Variants in PWWP2A observed in about 807,000 individuals in gnomAD.
PWWP2A encodes PWWP domain-containing protein 2A.
In PWWP2A, 18 loss-of-function variants were observed where a neutral mutation model predicts 48.5. The observed-to-expected ratio is 0.37, with a 90% CI of 0.26 to 0.55. The LOEUF is 0.55. PWWP2A is among the 20% of genes least tolerant of loss of function. The probability of loss-of-function intolerance (pLI) is 0.81; values close to 1 mark genes in which losing one functional copy is unlikely to be tolerated. For synonymous variants in PWWP2A, 396 were observed against 387.7 expected (o/e 1.02, Z -0.25); for missense variants, 867 against 976.4 (o/e 0.89, Z 1.49).
chr5:160,060,451 G>A (rs941396981), downstream of PWWP2A, among the ~76,000 whole-genome samples: 1 of 152,122 alleles, frequency 6.6e-6, no homozygotes, highest in Non-Finnish European at 1.5e-5. Context: ...CTTTGCCATG[G>A]GATCTAGTCT....
At chr5:160,045,499 CACACACACACACACATACACA>C in the PWWP2A span, among the ~76,000 whole-genome samples, 3 of 114,632 alleles carry the variant, frequency 2.6e-5, no homozygotes, top group Non-Finnish European at 3.6e-5. Context: ...CACACACACA[CACACACACACACACATACACA>C]CTCTCTCTCT....
intron 1 of PWWP2A, among the ~76,000 whole-genome samples, chr5:160,111,553 G>A (rs1757576009): frequency 6.6e-6 from 1 of 151,922 alleles, no homozygotes; most frequent in African/African-American, 2.4e-5. Context: ...AGGATCACTT[G>A]GACCCAGGAG....
chr5:160,107,052 C>T (rs1756976221), intron 1 of PWWP2A, among the ~76,000 whole-genome samples: 1 of 152,070 alleles, frequency 6.6e-6, no homozygotes, highest in Non-Finnish European at 1.5e-5. Flanking sequence ...TCTCAAACTC[C>T]TGGCCTCAAA....
chr5:160,092,386 G>A lies in PWWP2A; in HGVS notation c.2264C>T (p.Thr755Met), dbSNP rs778964824. Residue 755 changes from threonine (T) to methionine (M), a missense_variant, in exon 2 of 2, where the codon ACG (threonine) becomes ATG (methionine). This residue lies in a region of PWWP2A where 97 missense variants were observed against 151.7 expected (regional missense o/e 0.64). Coordinates refer to ENST00000307063, the MANE Select transcript of PWWP2A (RefSeq NM_001130864.2). ...TGCCTACCTTACTGCCCATGTTCAC[G>A]TTTCAAACTGTGTCAACAAAGCCCG... is the stretch of plus-strand genomic sequence containing the variant. ...EVRALLTQFET is the reference protein window; with the variant it reads ...EVRALLTQFEM 46 of 1,540,526 alleles carry A rather than the reference G, an allele frequency of 3.0e-5. No homozygotes were observed. Among genetic ancestry groups the A allele is most frequent in the Non-Finnish European group, 3.7e-5 (42 of 1,142,976 alleles).
At chr5:160,090,001 TAG>T (rs1209407089), downstream of PWWP2A, 3 of 985,234 alleles carry the variant, frequency 3.0e-6, no homozygotes, top group Non-Finnish European at 3.6e-6. Flanking sequence ...CATTTAAGAT[TAG>T]AGAGATTCTT....
At chr5:160,045,965 ACTC>A in the PWWP2A span, among the ~76,000 whole-genome samples, 1 of 151,226 alleles carries the variant, frequency 6.6e-6, no homozygotes, top group African/African-American at 2.4e-5. Flanking sequence ...CTGCTCTCGA[ACTC>A]CTGACCTCGT....
rs528239805 is a variant in PWWP2A, at chr5:160,066,358, G to A, written c.*236+190C>T. 1.5e-3 allele frequency among the ~76,000 whole-genome samples: 221 copies of A among 142,782 alleles called. 3 individuals carry two copies. Among genetic ancestry groups the A allele is most frequent in the African/African-American group, 5.5e-3 (211 of 38,152 alleles). The allele number at this position is 142,782 out of a possible 152,430, so 93.7% of individuals were successfully genotyped here. On this transcript the variant is annotated intron_variant and NMD_transcript_variant, in intron 4 of 5. Transcript: ENST00000524050. The stretch of plus-strand genomic sequence containing the variant: ...GTCACCCAGGCTGGAGTGCAGTGGC[G>A]CAATCTTGGCTCACTACAACCTCTG...
At chr5:160,071,050 A>C (rs1273514757), downstream of PWWP2A, among the ~76,000 whole-genome samples, 1 of 152,156 alleles carries the variant, frequency 6.6e-6, no homozygotes, top group Middle Eastern at 3.2e-3. Flanking sequence ...TTAGCCAGGC[A>C]TGGTGGTACA....
At chr5:160,059,347 T>G (rs4623188), downstream of PWWP2A, among the ~76,000 whole-genome samples, 1 of 152,146 alleles carries the variant, frequency 6.6e-6, no homozygotes, top group African/African-American at 2.4e-5. Context: ...CTTAAAGCAG[T>G]TTCCTCACTC....
chr5:160,112,431 AG>A (rs1757689277), intron 1 of PWWP2A, among the ~76,000 whole-genome samples: 1 of 152,100 alleles, frequency 6.6e-6, no homozygotes, highest in Non-Finnish European at 1.5e-5. Context: ...CATGTTGGCC[AG>A]GATGGTCTTG....
chr5:160,119,028 G>A lies in PWWP2A; in HGVS notation c.361C>T (p.Pro121Ser). 6.3e-7 allele frequency: 1 copy of A among 1,597,692 alleles called. No homozygotes were observed. The highest frequency in any genetic ancestry group is 8.5e-7 in the Non-Finnish European group (1 of 1,176,420). ...TCCTCGGGAGCCGGGGGCTGCTCCG[G>A]CGGCGATGCAGGAGAAGGTGGAAGT... The part of the protein sequence containing the change: ...PELPPSPASP[P>S]EQPPAPEERE... Residue 121 changes from proline to serine, a missense_variant, in exon 1 of 2, where the codon CCG (proline) becomes TCG (serine). Pro to Ser is a moderately conservative substitution (Grantham distance 74). Around this residue, in one of 4 missense-constraint regions of PWWP2A, gnomAD observed 385 missense variants for 396.9 expected, o/e 0.97. Transcript: ENST00000307063.
At chr5:160,106,978 C>T (rs1378160497) in intron 1 of PWWP2A, among the ~76,000 whole-genome samples, 1 of 151,966 alleles carries the variant, frequency 6.6e-6, no homozygotes, top group Admixed American at 6.6e-5. Context: ...CACACACCAC[C>T]ACGCTCAACT....
chr5:160,088,155 C>T (rs1227954377), downstream of PWWP2A, among the ~76,000 whole-genome samples: 5 of 152,214 alleles, frequency 3.3e-5, no homozygotes, highest in Non-Finnish European at 5.9e-5. Flanking sequence ...AATGCACACT[C>T]GCCATTTTAT....
At chr5:160,118,361 T>C (rs961118385) in intron 1 of PWWP2A, among the ~76,000 whole-genome samples, 2 of 152,022 alleles carry the variant, frequency 1.3e-5, no homozygotes, top group Non-Finnish European at 1.5e-5. Flanking sequence ...CTTTCTCCAA[T>C]CCCGCTAAAG....
At chr5:160,057,001 T>C (rs1561640294), downstream of PWWP2A, among the ~76,000 whole-genome samples, 2 of 152,066 alleles carry the variant, frequency 1.3e-5, no homozygotes, top group Non-Finnish European at 2.9e-5. This position sits in a 1 kb window ranked among gnomAD's most constrained non-coding sequence, Gnocchi z 4.4. Flanking sequence ...ACATTTCTCT[T>C]CATACTATTC....
downstream of PWWP2A, chr5:160,089,779 T>C: frequency 3.0e-6 from 3 of 985,402 alleles, no homozygotes; most frequent in Non-Finnish European, 3.6e-6. Context: ...TCTAAGCCAG[T>C]TTACTCCCAC....
chr5:160,045,779 G>T, the PWWP2A span, among the ~76,000 whole-genome samples: 1 of 151,882 alleles, frequency 6.6e-6, no homozygotes, highest in African/African-American at 2.4e-5. Context: ...GACTCGCTCT[G>T]TTGCCTAGGC....
the PWWP2A span, among the ~76,000 whole-genome samples, chr5:160,045,502 AC>A: frequency 2.0e-5 from 2 of 99,272 alleles, no homozygotes; most frequent in South Asian, 3.7e-4. Flanking sequence ...ACACACACAC[AC>A]ACACACACAC....
chr5:160,050,782 C>T, the PWWP2A span, among the ~76,000 whole-genome samples: 2 of 151,900 alleles, frequency 1.3e-5, no homozygotes, highest in Non-Finnish European at 2.9e-5. Flanking sequence ...CATGCCAACA[C>T]ACCCAGCTAA....
Sources: gnomAD v4.1 joint callset for allele counts (sites outside exome capture counted in the v4.1 genomes callset) on GRCh38, gnomAD v4.1.1 for gene constraint, gnomAD v4.1.1 regional missense constraint, Gnocchi (gnomAD v3.1) non-coding constraint, MANE v1.5 for transcripts, NCBI Gene and HGNC (gene_info 2026-07-23, HGNC 2026-07-21) for gene names.